Variants in TMTC2 observed in about 807,000 individuals in gnomAD.
TMTC2 encodes protein O-mannosyl-transferase TMTC2.
A neutral mutation model predicts 82.4 loss-of-function variants in TMTC2; 43 were observed. The ratio of observed to expected loss-of-function variants is 0.52; its 90% CI spans 0.41 to 0.67. TMTC2 has a LOEUF of 0.67. TMTC2 is among the 30% of genes least tolerant of loss of function. The probability of loss-of-function intolerance (pLI) is 0.00; values close to 1 mark genes in which losing one functional copy is unlikely to be tolerated. For synonymous variants in TMTC2, 408 were observed against 381.9 expected, an observed-to-expected ratio of 1.07 and a Z score of -0.80; for missense variants, 919 against 1,012.4, an observed-to-expected ratio of 0.91 and a Z score of 1.25.
chr12:83,107,691 C>A (rs1884457381), intron 11 of TMTC2, among the ~76,000 whole-genome samples: 1 of 152,184 alleles, frequency 6.6e-6, no homozygotes, highest in Non-Finnish European at 1.5e-5. Context: ...TACCTGTGAA[C>A]ATATCATGTG....
chr12:82,830,224 A>G (rs1028998094), intron 1 of TMTC2, among the ~76,000 whole-genome samples: 1 of 152,120 alleles, frequency 6.6e-6, no homozygotes, highest in Non-Finnish European at 1.5e-5. Context: ...ATTAAACTGC[A>G]TTGTCTCAAA....
At chr12:83,124,128 G>A (rs777334850) in intron 11 of TMTC2, among the ~76,000 whole-genome samples, 6 of 152,142 alleles carry the variant, frequency 3.9e-5, no homozygotes, top group African/African-American at 2.4e-5. Flanking sequence ...ACACCTAATA[G>A]GTTATAGTAA....
At chr12:82,762,771 T>C (rs181053770) in intron 1 of TMTC2, among the ~76,000 whole-genome samples, 251 of 152,332 alleles carry the variant, frequency 1.6e-3, no homozygotes, top group African/African-American at 5.7e-3. Flanking sequence ...TGGATATCAA[T>C]GTACTTTTTC....
At chr12:82,876,783 A>G (rs1262662737) in intron 2 of TMTC2, among the ~76,000 whole-genome samples, 2 of 152,132 alleles carry the variant, frequency 1.3e-5, no homozygotes, top group South Asian at 2.1e-4. Context: ...TGCTGGCTCT[A>G]TGAGGCAGTA....
At chr12:82,844,699 G>T (rs1404761667) in intron 1 of TMTC2, among the ~76,000 whole-genome samples, 1 of 151,830 alleles carries the variant, frequency 6.6e-6, no homozygotes, top group Non-Finnish European at 1.5e-5. Context: ...CTGCTCGGGA[G>T]ACTGAGGCAG....
intron 4 of TMTC2, among the ~76,000 whole-genome samples, chr12:82,941,510 A>G (rs886729315): frequency 1.3e-5 from 2 of 152,358 alleles, no homozygotes; most frequent in Non-Finnish European, 2.9e-5. Flanking sequence ...ATAAATCAAC[A>G]GAGTTCAAGT....
intron 9 of TMTC2, among the ~76,000 whole-genome samples, chr12:83,038,921 A>T (rs1005863354): frequency 7.8e-5 from 11 of 140,342 alleles, no homozygotes; most frequent in Admixed American, 5.1e-4. Flanking sequence ...AAGAACAAGC[A>T]CCTTGGTTTT....
At position 82,845,252 on chromosome 12, in the gene TMTC2, AATATAT is replaced by A. The variant is rs1555190263; in HGVS notation, c.84-11741_84-11736del. Among the ~76,000 whole-genome samples, 9 of 38,808 alleles carry A rather than the reference AATATAT, an allele frequency of 2.3e-4. No homozygotes were observed. The East Asian group carries it at 7.3e-3, about 32-fold the overall frequency. The allele number at this position is 38,808 out of a possible 152,430, so 25.5% of individuals were successfully genotyped here. ...AAAAAAAAAAAAAAAAAAAAAAAAA[AATATAT>A]ATATATATATATATATTGAACTAGT... On this transcript the variant is annotated intron_variant, in intron 1 of 11. Coordinates refer to ENST00000321196, the MANE Select transcript of TMTC2 (RefSeq NM_152588.3).
At chr12:82,704,500 T>G (rs1358658396) in intron 1 of TMTC2, among the ~76,000 whole-genome samples, 1 of 152,160 alleles carries the variant, frequency 6.6e-6, no homozygotes, top group Non-Finnish European at 1.5e-5. Context: ...TGTAAGCTAT[T>G]TGTGTGTTTT....
chr12:82,689,706 G>A (rs1872494688), intron 1 of TMTC2, among the ~76,000 whole-genome samples: 1 of 152,198 alleles, frequency 6.6e-6, no homozygotes, highest in African/African-American at 2.4e-5. Context: ...TAAATTAGTT[G>A]TGCTTTGATG....
intron 3 of TMTC2, among the ~76,000 whole-genome samples, chr12:82,923,675 AGTTCTCATT>A (rs1189976589): frequency 1.3e-5 from 2 of 152,294 alleles, no homozygotes; most frequent in East Asian, 3.9e-4. Context: ...TATAAAAATC[AGTTCTCATT>A]GTTCTCATAT....
At chr12:82,817,936 C>G (rs1868843933) in intron 1 of TMTC2, among the ~76,000 whole-genome samples, 1 of 152,086 alleles carries the variant, frequency 6.6e-6, no homozygotes, top group Non-Finnish European at 1.5e-5. Flanking sequence ...TAATTTCTAT[C>G]TCCTCTATCT....
At chr12:83,115,606 G>T (rs1437214218) in intron 11 of TMTC2, among the ~76,000 whole-genome samples, 2 of 151,922 alleles carry the variant, frequency 1.3e-5, no homozygotes, top group African/African-American at 4.8e-5. Context: ...AAAACTGAGT[G>T]AAACAGGTGG....
At chr12:82,796,628 A>G (rs889195836) in intron 1 of TMTC2, among the ~76,000 whole-genome samples, 3 of 152,154 alleles carry the variant, frequency 2.0e-5, no homozygotes, top group African/African-American at 7.2e-5. Flanking sequence ...ATTGCATAAC[A>G]TATTTAATAA....
intron 8 of TMTC2, among the ~76,000 whole-genome samples, chr12:83,009,777 T>G (rs1031835068): frequency 5.3e-5 from 8 of 152,192 alleles, no homozygotes; most frequent in Admixed American, 2.6e-4. Context: ...GGGACCAGTT[T>G]AATGGAAGAC....
At chr12:83,080,367 C>T (rs1321546196) in intron 11 of TMTC2, among the ~76,000 whole-genome samples, 1 of 147,696 alleles carries the variant, frequency 6.8e-6, no homozygotes, top group East Asian at 1.9e-4. Context: ...ATTCACCTTT[C>T]TCTCTCTCTC....
chr12:83,082,256 A>G (rs1883496863), intron 11 of TMTC2, among the ~76,000 whole-genome samples: 1 of 152,200 alleles, frequency 6.6e-6, no homozygotes, highest in African/African-American at 2.4e-5. Flanking sequence ...TACCTCCCCA[A>G]ACATGTGTGC....
chr12:83,047,671 G>A (rs1565868247), intron 9 of TMTC2, among the ~76,000 whole-genome samples: 1 of 152,096 alleles, frequency 6.6e-6, no homozygotes, highest in Non-Finnish European at 1.5e-5. Context: ...AATGAATTTT[G>A]CAGTTATAAA....
At chr12:82,800,764 C>T (rs1011325416) in intron 1 of TMTC2, among the ~76,000 whole-genome samples, 11 of 152,138 alleles carry the variant, frequency 7.2e-5, no homozygotes, top group Middle Eastern at 3.4e-3. Context: ...TTGTCCTTGT[C>T]GATTTTTAAC....
Sources: allele counts gnomAD v4.1 joint callset (sites outside exome capture counted in the v4.1 genomes callset), GRCh38; gene constraint gnomAD v4.1.1; transcripts MANE v1.5; gene names NCBI Gene and HGNC (gene_info 2026-07-23, HGNC 2026-07-21).